ING5: variants seen among roughly 807,000 people sequenced by gnomAD.
ING5 encodes inhibitor of growth family member 5.
In ING5, 17 loss-of-function variants were observed where a neutral mutation model predicts 37.4. The ratio of observed to expected loss-of-function variants is 0.45; its 90% CI spans 0.31 to 0.68. ING5 has a LOEUF of 0.68. Among genes scored for constraint, ING5 ranks in the 30% least tolerant of loss-of-function variants. The pLI is 0.05. For missense variants in ING5, 233 were observed against 311.9 expected (o/e 0.75, Z 1.91); for synonymous variants, 123 against 116.6 (o/e 1.06, Z -0.36).
upstream of ING5, among the ~76,000 whole-genome samples, chr2:241,699,683 G>C (rs2069683978): frequency 6.6e-6 from 1 of 152,178 alleles, no homozygotes; most frequent in Non-Finnish European, 1.5e-5. Context: ...GATGTGGCTG[G>C]GGGTGGGGCG....
upstream of ING5, chr2:241,701,997 C>T: frequency 1.7e-6 from 2 of 1,184,282 alleles, no homozygotes; most frequent in Non-Finnish European, 2.2e-6. Flanking sequence ...AGCGCGCTGG[C>T]ACCGCCCCGC....
chr2:241,710,491 T>G (rs1193256747), intron 3 of ING5, among the ~76,000 whole-genome samples: 2 of 143,412 alleles, frequency 1.4e-5, no homozygotes, highest in South Asian at 2.2e-4. Context: ...TGGTTTTTGG[T>G]TTTTTTTTTT....
chr2:241,719,381 ACT>A, intron 5 of ING5: 1 of 521,392 alleles, frequency 1.9e-6, no homozygotes, highest in Non-Finnish European at 3.5e-6. Context: ...AACACCCCCC[ACT>A]CTGGCTGCAG....
intron 7 of ING5, chr2:241,723,905 G>C: frequency 7.5e-7 from 1 of 1,337,322 alleles, no homozygotes; most frequent in Non-Finnish European, 1.1e-6. Flanking sequence ...AACTACCTGG[G>C]AGGCGGAGGC....
chr2:241,690,503 C>G, exon 2 of ING5: 1 of 397,368 alleles, frequency 2.5e-6, no homozygotes, highest in Non-Finnish European at 4.4e-6. Flanking sequence ...CTGCTGACCT[C>G]AGCCCTGGCG....
At chr2:241,709,455 A>G in intron 3 of ING5, 73 bp downstream of exon 3, 1 of 1,455,650 alleles carries the variant, frequency 6.9e-7, no homozygotes, top group South Asian at 1.4e-5. Context: ...AAATGTAAAA[A>G]CTGCCCGGAA....
chr2:241,689,202 TC>T (rs2069509710), intron 1 of ING5, among the ~76,000 whole-genome samples: 1 of 151,962 alleles, frequency 6.6e-6, no homozygotes, highest in African/African-American at 2.4e-5. Context: ...AACCTCCACT[TC>T]CCGGGTTCAA....
intron 1 of ING5, among the ~76,000 whole-genome samples, chr2:241,688,813 T>C (rs897627445): frequency 1.4e-5 from 2 of 143,880 alleles, no homozygotes; most frequent in Non-Finnish European, 3.1e-5. Flanking sequence ...TATTTTATTT[T>C]TTTGAGATGG....
intron 5 of ING5, chr2:241,719,737 A>T (rs1371878821): frequency 6.8e-7 from 1 of 1,461,372 alleles, no homozygotes; most frequent in Non-Finnish European, 9.0e-7. Flanking sequence ...CCTCAGGAAC[A>T]GCCAGCACCT....
chr2:241,693,191 G>A (rs1452180538), intron 2 of ING5, among the ~76,000 whole-genome samples: 1 of 150,228 alleles, frequency 6.7e-6, no homozygotes, highest in African/African-American at 2.5e-5. Flanking sequence ...CCCAGGAGGC[G>A]GAGGTTGCAG....
upstream of ING5, among the ~76,000 whole-genome samples, chr2:241,698,538 TGG>T (rs1012583250): frequency 7.2e-6 from 1 of 139,134 alleles, no homozygotes; most frequent in African/African-American, 2.7e-5. Context: ...TGTGTGTGTG[TGG>T]AGGAGTATAT....
chr2:241,687,430 A>C, exon 1 of ING5: 2 of 398,802 alleles, frequency 5.0e-6, no homozygotes, highest in Non-Finnish European at 8.8e-6. Context: ...GACGCTGGCC[A>C]CGTGGCAATT....
At chr2:241,719,357 G>T in intron 5 of ING5, 1 of 649,050 alleles carries the variant, frequency 1.5e-6, no homozygotes, top group South Asian at 1.8e-5. Context: ...GGCGGACGCC[G>T]CCCCCAACCC....
At chr2:241,690,806 T>G (rs1436394607) in intron 2 of ING5, among the ~76,000 whole-genome samples, 1 of 151,562 alleles carries the variant, frequency 6.6e-6, no homozygotes, top group East Asian at 1.9e-4. Context: ...CTGCTTGCTT[T>G]TTTTTTTTTT....
chr2:241,694,732 A>C lies in ING5; in HGVS notation c.43+4079A>C, dbSNP rs145051300. 4.0e-3 allele frequency among the ~76,000 whole-genome samples: 600 copies of C among 148,600 alleles called. 3 individuals carry two copies. The highest frequency in any genetic ancestry group is 0.014 in the African/African-American group (578 of 40,276). The stretch of plus-strand genomic sequence containing the variant: ...TAAGTATCAGCACTTAAAATGTGCA[A>C]TACTCGGCCAGGCATGGTGGCTCAC... On this transcript the variant is annotated intron_variant, in intron 2 of 7. Coordinates refer to the ING5 transcript ENST00000636051.
intron 2 of ING5, among the ~76,000 whole-genome samples, chr2:241,695,497 C>T (rs1404726562): frequency 6.6e-6 from 1 of 152,118 alleles, no homozygotes; most frequent in Non-Finnish European, 1.5e-5. Context: ...ACCAGCTTGG[C>T]CAATTTGGTG....
chr2:241,702,411 T>C (rs1320928377), intron 1 of ING5, among the ~76,000 whole-genome samples: 4 of 143,616 alleles, frequency 2.8e-5, no homozygotes, highest in Admixed American at 1.4e-4. Flanking sequence ...GTCCCGCCCC[T>C]ACCCAGGCCC....
At chr2:241,721,124 C>T in intron 5 of ING5, 9 of 985,570 alleles carry the variant, frequency 9.1e-6, no homozygotes, top group Non-Finnish European at 9.6e-6. Flanking sequence ...GGACGGTTGG[C>T]AGCAGAGGGT....
chr2:241,724,899 G>T, intron 7 of ING5, 90 bp from the exon 8 acceptor site: 2 of 1,407,038 alleles, frequency 1.4e-6, no homozygotes, highest in Non-Finnish European at 2.0e-6. Flanking sequence ...GCGTCCAGCA[G>T]CCCTGGGAGA....
Sources: allele counts gnomAD v4.1 joint callset (sites outside exome capture counted in the v4.1 genomes callset), GRCh38; gene constraint gnomAD v4.1.1; transcripts MANE v1.5; gene names NCBI Gene and HGNC (gene_info 2026-07-23, HGNC 2026-07-21).